The following CSMD1 variants were observed in gnomAD, a reference collection of about 807,000 sequenced individuals.
CSMD1 encodes the protein CUB and sushi domain-containing protein 1.
Under a neutral mutation model 417.5 loss-of-function variants are expected in CSMD1, and 213 were observed. The observed-to-expected ratio is 0.51, with a 90% CI of 0.46 to 0.57. The LOEUF (loss-of-function observed/expected upper bound fraction) is 0.57. Ranked by LOEUF, CSMD1 falls within the 20% of genes least tolerant of loss-of-function variation. The pLI, the probability that CSMD1 is intolerant of heterozygous loss-of-function variation, is 0.00. For synonymous variants in CSMD1, 2,862 were observed against 1,736.8 expected, an observed-to-expected ratio of 1.65 and a Z score of -16.11; for missense variants, 6,923 against 4,529.7, an observed-to-expected ratio of 1.53 and a Z score of -15.17.
intron 5 of CSMD1, among the ~76,000 whole-genome samples, chr8:3,948,667 T>C (rs1288515859): frequency 1.3e-5 from 2 of 152,150 alleles, no homozygotes; most frequent in Non-Finnish European, 2.9e-5. Context: ...AAAGAAATAA[T>C]GGAAGGACCA....
At chr8:3,611,379 T>A (rs1584958949) in intron 8 of CSMD1, among the ~76,000 whole-genome samples, 1 of 152,110 alleles carries the variant, frequency 6.6e-6, no homozygotes. Flanking sequence ...CAAACATCTA[T>A]GTAATTGTTT....
At chr8:4,329,985 C>G (rs1455478518) in intron 3 of CSMD1, among the ~76,000 whole-genome samples, 1 of 152,104 alleles carries the variant, frequency 6.6e-6, no homozygotes, top group African/African-American at 2.4e-5. Context: ...AAAAGCCAAG[C>G]AGATGCCAGC....
At chr8:4,013,810 G>T (rs1796393223) in intron 4 of CSMD1, among the ~76,000 whole-genome samples, 1 of 152,172 alleles carries the variant, frequency 6.6e-6, no homozygotes, top group Admixed American at 6.5e-5. Flanking sequence ...CAGTCTATCT[G>T]TTTAGGTGGT....
At chr8:3,952,709 A>T (rs1811671665) in intron 5 of CSMD1, among the ~76,000 whole-genome samples, 1 of 152,220 alleles carries the variant, frequency 6.6e-6, no homozygotes, top group Admixed American at 6.5e-5. Context: ...AATACACTAG[A>T]TGTCACTGAA....
At chr8:4,665,144 T>A (rs766355826) in intron 1 of CSMD1, among the ~76,000 whole-genome samples, 1 of 152,196 alleles carries the variant, frequency 6.6e-6, no homozygotes. Flanking sequence ...TTAAACCTCC[T>A]GCATTTTTTG....
At chr8:3,803,966 C>T (rs574206877) in intron 5 of CSMD1, among the ~76,000 whole-genome samples, 25 of 152,114 alleles carry the variant, frequency 1.6e-4, no homozygotes, top group East Asian at 1.9e-4. Flanking sequence ...CTTGCTCTGT[C>T]GCCCAGGCTG....
intron 5 of CSMD1, among the ~76,000 whole-genome samples, chr8:3,899,411 T>C (rs1005148513): frequency 2.0e-5 from 3 of 152,164 alleles, no homozygotes; most frequent in African/African-American, 7.2e-5. Context: ...TGCTGATTAC[T>C]TCAACATGTT....
intron 5 of CSMD1, among the ~76,000 whole-genome samples, chr8:3,948,444 A>T (rs1222075206): frequency 2.0e-5 from 3 of 152,068 alleles, no homozygotes; most frequent in African/African-American, 7.2e-5. Flanking sequence ...TTTGTGACAC[A>T]CTTTGAATGT....
rs544256995 is a variant in CSMD1, at chr8:3,911,592, A to G, written c.818+86311T>C. The stretch of plus-strand genomic sequence containing the variant: ...GGCTATATAACACCAGCTGGTCTTT[A>G]TATTTCCAGTTTCTCTGCCATCCAA... On this transcript the variant is annotated intron_variant, in intron 5 of 69. Coordinates refer to ENST00000635120, the MANE Select transcript of CSMD1 (RefSeq NM_033225.6). 5.5e-4 allele frequency among the ~76,000 whole-genome samples: 83 copies of G among 151,758 alleles called. 1 individual carries two copies. The highest frequency in any genetic ancestry group is 2.5e-3 in the Admixed American group (38 of 15,242).
At chr8:4,034,512 G>C (rs770519024) in intron 3 of CSMD1, among the ~76,000 whole-genome samples, 3 of 152,072 alleles carry the variant, frequency 2.0e-5, no homozygotes, top group South Asian at 2.1e-4. Context: ...GCTGTTTATA[G>C]TACATTAAAA....
At chr8:3,684,203 A>AAAT (rs35072116) in intron 7 of CSMD1, among the ~76,000 whole-genome samples, 111,258 of 140,704 alleles carry the variant, frequency 0.79, 44,555 homozygotes, top group African/African-American at 0.9. Context: ...TATAACATGT[A>AAAT]ATTATATATA....
intron 2 of CSMD1, among the ~76,000 whole-genome samples, chr8:4,562,857 A>T (rs1798411497): frequency 6.6e-6 from 1 of 152,182 alleles, no homozygotes; most frequent in South Asian, 2.1e-4. Context: ...AATGCCTCCA[A>T]AATACCCACA....
rs139159247 is a variant in CSMD1, at chr8:3,917,249, G to C, written c.818+80654C>G. 1.8e-4 allele frequency among the ~76,000 whole-genome samples: 28 copies of C among 152,266 alleles called. No homozygotes were observed. In the East Asian group the frequency reaches 5.0e-3, roughly 27 times the overall value. On this transcript the variant is annotated intron_variant, in intron 5 of 69. Transcript: ENST00000635120. ...CTGTGGTTGAAATGCAACCCTATGA[G>C]ATGCTGTTGAATGCATGAACGAACT...
At chr8:3,902,694 G>A (rs950485027) in intron 5 of CSMD1, among the ~76,000 whole-genome samples, 4 of 152,088 alleles carry the variant, frequency 2.6e-5, no homozygotes, top group Admixed American at 1.3e-4. Flanking sequence ...GTTCTTAACA[G>A]GCTGTGGACT....
chr8:4,304,002 C>T (rs1238871210), intron 3 of CSMD1, among the ~76,000 whole-genome samples: 1 of 152,108 alleles, frequency 6.6e-6, no homozygotes, highest in Non-Finnish European at 1.5e-5. Context: ...AACATGATGT[C>T]TAGGAAGCGT....
At chr8:4,689,576 A>C (rs930439103) in intron 1 of CSMD1, among the ~76,000 whole-genome samples, 1 of 152,236 alleles carries the variant, frequency 6.6e-6, no homozygotes, top group Non-Finnish European at 1.5e-5. Context: ...CATTTTTGAA[A>C]AGCTGAATAA....
chr8:4,670,742 G>C (rs1275478333), intron 1 of CSMD1, among the ~76,000 whole-genome samples: 2 of 152,094 alleles, frequency 1.3e-5, no homozygotes, highest in Admixed American at 6.6e-5. Context: ...GCTCTAAGTG[G>C]TTGAGAAATA....
Position 2,935,880 on chromosome 8 carries a change from G to T in CSMD1, c.*2705C>A, listed in dbSNP as rs1322145269. On this transcript the variant is annotated 3_prime_UTR_variant, in exon 70 of 70. Transcript: ENST00000635120. ...GCTAGCCTGAAAAAAGGCAAGATGT[G>T]TGTGTAAAACAAGCAGCAGTTTTAA... 1 of 152,200 alleles carries T rather than the reference G, an allele frequency of 6.6e-6. No individual in the cohort carries two copies. Among genetic ancestry groups the T allele is most frequent in the East Asian group, 1.9e-4 (1 of 5,196 alleles). The allele number at this position is 152,200 out of a possible 1,614,324, so 9.4% of individuals were successfully genotyped here.
At chr8:3,287,791 T>C (rs1563228625) in intron 25 of CSMD1, among the ~76,000 whole-genome samples, 1 of 152,014 alleles carries the variant, frequency 6.6e-6, no homozygotes, top group Non-Finnish European at 1.5e-5. Context: ...GAATACTCTT[T>C]ATTTCCTCCA....
Sources: allele counts gnomAD v4.1 joint callset (sites outside exome capture counted in the v4.1 genomes callset), GRCh38; gene constraint gnomAD v4.1.1; transcripts MANE v1.5; gene names NCBI Gene and HGNC (gene_info 2026-07-23, HGNC 2026-07-21).